Variants in OCM observed in about 807,000 individuals in gnomAD.
The protein encoded by OCM is oncomodulin-1.
Under a neutral mutation model 14.1 loss-of-function variants are expected in OCM, and 18 were observed. That is an observed-to-expected ratio of 1.28 (90% CI 0.88 to 1.89). OCM has a LOEUF of 1.89. OCM is among the 40% of genes most tolerant of loss of function. The pLI is 0.00. For missense variants in OCM, 140 were observed against 137.6 expected (o/e 1.02, Z -0.09); for synonymous variants, 48 against 51.0 (o/e 0.94, Z 0.25).
chr7:5,869,483 C>A, the OCM span, among the ~76,000 whole-genome samples: 55,952 of 151,696 alleles, frequency 0.37, 12,350 homozygotes, highest in African/African-American at 0.63. Flanking sequence ...CTGTAGTCCC[C>A]GCTACTCAGG....
At chr7:5,865,862 G>A in the OCM span, among the ~76,000 whole-genome samples, 3 of 151,972 alleles carry the variant, frequency 2.0e-5, no homozygotes, top group South Asian at 4.2e-4. Flanking sequence ...ATTCATTTTC[G>A]GAAAAGAAAA....
At chr7:5,882,085 CAAAAAAAAAAAA>C (rs60321561) in intron 1 of OCM, among the ~76,000 whole-genome samples, 9 of 45,968 alleles carry the variant, frequency 2.0e-4, no homozygotes, top group East Asian at 9.9e-4. Context: ...GACTCTGTCT[CAAAAAAAAAAAA>C]AAAAAAAAAA....
At chr7:5,862,377 A>G in the OCM span, among the ~76,000 whole-genome samples, 2 of 151,998 alleles carry the variant, frequency 1.3e-5, no homozygotes, top group African/African-American at 4.8e-5. Context: ...ATCTTCCCAG[A>G]TGGCTCCCTC....
intron 3 of OCM, among the ~76,000 whole-genome samples, chr7:5,885,136 ACAT>A (rs1370805388): frequency 2.0e-5 from 3 of 150,938 alleles, no homozygotes; most frequent in Non-Finnish European, 4.4e-5. Flanking sequence ...AAAAAAAAAA[ACAT>A]AACCATGAAG....
rs752861641 is a variant in OCM, at chr7:5,883,918, G to A, written c.223G>A (p.Ala75Thr). Residue 75 changes from alanine to threonine, a missense_variant, in exon 3 of 4, where the codon GCC becomes ACC. Coordinates refer to ENST00000242104, the MANE Select transcript of OCM (RefSeq NM_001097622.2). ...TTTCCTCCAGAAGTTTGAGAGTGGT[G>A]CCAGAGAACTGACCGAGTCAGAAAC... is the stretch of plus-strand genomic sequence containing the variant. ...KFFLQKFESG[A>T]RELTESETKS... 1.2e-6 allele frequency: 2 copies of A among 1,612,822 alleles called. No individual in the cohort carries two copies. Among genetic ancestry groups the A allele is most frequent in the Non-Finnish European group, 1.7e-6 (2 of 1,179,436 alleles).
chr7:5,868,705 G>T, the OCM span, among the ~76,000 whole-genome samples: 1 of 152,256 alleles, frequency 6.6e-6, no homozygotes, highest in African/African-American at 2.4e-5. Flanking sequence ...GAAGGCACTG[G>T]GAACGTGAAG....
At chr7:5,860,770 G>GTATATATACGTGTATATATACA in the OCM span, among the ~76,000 whole-genome samples, 1 of 136,230 alleles carries the variant, frequency 7.3e-6, no homozygotes, top group Admixed American at 7.7e-5. Flanking sequence ...ATATATATTC[G>GTATATATACGTGTATATATACA]TATATATACG....
chr7:5,859,977 C>A, the OCM span, among the ~76,000 whole-genome samples: 1 of 152,006 alleles, frequency 6.6e-6, no homozygotes, highest in Non-Finnish European at 1.5e-5. Flanking sequence ...TGTGAGCCAC[C>A]GCGCCCAGCC....
chr7:5,873,239 G>C, the OCM span, among the ~76,000 whole-genome samples: 2 of 152,204 alleles, frequency 1.3e-5, no homozygotes, highest in African/African-American at 4.8e-5. Flanking sequence ...CGCAGGGTAT[G>C]GTGGCGCACA....
the OCM span, among the ~76,000 whole-genome samples, chr7:5,860,670 G>A: frequency 3.8e-4 from 35 of 91,936 alleles, 8 homozygotes; most frequent in Admixed American, 1.5e-3. Context: ...GTATATATAC[G>A]TGTATATATA....
chr7:5,868,240 G>A, the OCM span, among the ~76,000 whole-genome samples: 1 of 152,082 alleles, frequency 6.6e-6, no homozygotes, highest in East Asian at 1.9e-4. Context: ...TCAACCACCT[G>A]GGCTCAAGCG....
chr7:5,870,104 A>T, the OCM span, among the ~76,000 whole-genome samples: 1 of 150,242 alleles, frequency 6.7e-6, no homozygotes, highest in East Asian at 2.2e-4. Context: ...TTTTTATTTT[A>T]TTTTATTTTA....
At chr7:5,876,475 G>A (rs1781098183), upstream of OCM, among the ~76,000 whole-genome samples, 1 of 152,128 alleles carries the variant, frequency 6.6e-6, no homozygotes, top group Non-Finnish European at 1.5e-5. Flanking sequence ...TAAGGGGCTG[G>A]GCGAGGTGAT....
upstream of OCM, among the ~76,000 whole-genome samples, chr7:5,877,763 T>G (rs184446629): frequency 6.2e-3 from 778 of 126,308 alleles, 6 homozygotes; most frequent in South Asian, 0.037. Context: ...GAGGTTGTAG[T>G]GAGCCAAGAT....
the OCM span, among the ~76,000 whole-genome samples, chr7:5,862,167 T>G: frequency 6.6e-6 from 1 of 152,156 alleles, no homozygotes; most frequent in South Asian, 2.1e-4. Context: ...ACAGGATCCA[T>G]ACACCAGCAT....
the OCM span, among the ~76,000 whole-genome samples, chr7:5,863,550 C>T: frequency 7.2e-4 from 93 of 128,774 alleles, no homozygotes; most frequent in African/African-American, 2.4e-3. Context: ...TTTTTTTTCT[C>T]AAGATGGAGT....
At chr7:5,862,558 A>C in the OCM span, among the ~76,000 whole-genome samples, 1 of 152,218 alleles carries the variant, frequency 6.6e-6, no homozygotes, top group Non-Finnish European at 1.5e-5. Context: ...ACCTACCCTG[A>C]GATAAATGCA....
the OCM span, among the ~76,000 whole-genome samples, chr7:5,861,874 C>T: frequency 6.6e-6 from 1 of 151,942 alleles, no homozygotes; most frequent in Non-Finnish European, 1.5e-5. Flanking sequence ...CCACCACACT[C>T]GGCCTACTTT....
At chr7:5,873,734 C>A in the OCM span, among the ~76,000 whole-genome samples, 2 of 151,984 alleles carry the variant, frequency 1.3e-5, no homozygotes, top group Non-Finnish European at 2.9e-5. Context: ...TGTTTCCATT[C>A]CCAAAAGAGA....
Sources: allele counts gnomAD v4.1 joint callset (sites outside exome capture counted in the v4.1 genomes callset), GRCh38; gene constraint gnomAD v4.1.1; transcripts MANE v1.5; gene names NCBI Gene and HGNC (gene_info 2026-07-23, HGNC 2026-07-21).